The following SLC38A6 variants were observed in gnomAD, a reference collection of about 807,000 sequenced individuals.
SLC38A6 encodes solute carrier family 38 member 6, also known as N system amino acid transporter NAT-1.
SLC38A6 carries 73 observed loss-of-function variants against 65.0 expected under a neutral mutation model. The ratio of observed to expected loss-of-function variants is 1.12; its 90% confidence interval spans 0.93 to 1.37. SLC38A6 has a LOEUF of 1.37. SLC38A6 is among the 40% of genes most tolerant of loss of function. SLC38A6 has a pLI of 0.00. For missense variants in SLC38A6, 561 were observed against 531.1 expected, an observed-to-expected ratio of 1.06 and a Z score of -0.55; for synonymous variants, 183 against 178.8, an observed-to-expected ratio of 1.02 and a Z score of -0.19.
chr14:61,043,572 CAG>C, intron 10 of SLC38A6, 69 bp downstream of exon 10: 4 of 1,175,094 alleles, frequency 3.4e-6, no homozygotes, highest in Non-Finnish European at 5.0e-6. Flanking sequence ...GTTTGTGTAA[CAG>C]GGTCTCTTAG....
intron 4 of SLC38A6, among the ~76,000 whole-genome samples, chr14:61,019,168 C>T (rs535034466): frequency 2.6e-5 from 4 of 152,202 alleles, no homozygotes; most frequent in Admixed American, 1.3e-4. Context: ...CACACCCAGC[C>T]GGTCTTTTTC....
intron 5 of SLC38A6, among the ~76,000 whole-genome samples, chr14:61,025,767 A>G (rs1391009171): frequency 6.6e-6 from 1 of 152,084 alleles, no homozygotes; most frequent in Non-Finnish European, 1.5e-5. Context: ...TCATTTATGC[A>G]TGTGTTCTGT....
chr14:61,011,454 G>A (rs891361237), intron 3 of SLC38A6, among the ~76,000 whole-genome samples: 1 of 151,924 alleles, frequency 6.6e-6, no homozygotes, highest in African/African-American at 2.4e-5. Context: ...TCCCTGTCTT[G>A]TGCCAGTTTT....
intron 5 of SLC38A6, 43 bp from the exon 6 acceptor site, chr14:61,030,402 G>C: frequency 3.5e-6 from 5 of 1,427,130 alleles, no homozygotes; most frequent in Non-Finnish European, 4.9e-6. Flanking sequence ...AAATGGTTAA[G>C]AATCATAGAA....
chr14:61,010,209 G>A (rs531699526), intron 3 of SLC38A6, among the ~76,000 whole-genome samples: 24 of 152,122 alleles, frequency 1.6e-4, no homozygotes, highest in Admixed American at 7.9e-4. Flanking sequence ...CATATCCTTC[G>A]CCCACTTGTT....
At chr14:60,991,377 T>A (rs1330038938) in intron 3 of SLC38A6, among the ~76,000 whole-genome samples, 1 of 152,242 alleles carries the variant, frequency 6.6e-6, no homozygotes, top group Non-Finnish European at 1.5e-5. Context: ...AATATGAATA[T>A]TCATTTAATC....
At chr14:61,029,205 A>G (rs6573354) in intron 5 of SLC38A6, among the ~76,000 whole-genome samples, 138,988 of 148,990 alleles carry the variant, frequency 0.93, 65,170 homozygotes, top group Non-Finnish European at 0.99. Context: ...ACCCAGGCTG[A>G]AGTGCAGTGG....
chr14:61,001,079 A>T (rs1298491924), intron 3 of SLC38A6, among the ~76,000 whole-genome samples: 3 of 152,198 alleles, frequency 2.0e-5, no homozygotes, highest in African/African-American at 7.2e-5. Context: ...CATCCTTCTT[A>T]TTAATGAGTG....
chr14:61,080,636 G>A (rs2043607607), intron 16 of SLC38A6, among the ~76,000 whole-genome samples: 1 of 152,208 alleles, frequency 6.6e-6, no homozygotes, highest in African/African-American at 2.4e-5. Flanking sequence ...TCTGCATGAA[G>A]GCAGCCAAAT....
chr14:61,069,707 G>A (rs2043161173), intron 15 of SLC38A6, among the ~76,000 whole-genome samples: 1 of 151,994 alleles, frequency 6.6e-6, no homozygotes, highest in African/African-American at 2.4e-5. Flanking sequence ...TTAGTACCTT[G>A]TAAGATTTTT....
rs1336714634 is a variant in SLC38A6, at chr14:61,034,021, A to G, written c.483-3038A>G. The G allele has an allele frequency of 2.6e-5, 4 of 152,184 alleles. No homozygotes were observed. The East Asian group carries it at 5.8e-4, about 22-fold the overall frequency. 9.4% of individuals were successfully genotyped at this position (152,184 alleles called of 1,614,324 possible). A position where few individuals can be genotyped will look rare whatever the true frequency, so the allele number is the denominator to read the frequency against. ...CCTTCCTTTTGCTGATTTTACAGACATATAAAATGAAGTTGTTGAGCCAGA... is the reference window on the plus strand; with the variant it reads ...CCTTCCTTTTGCTGATTTTACAGACGTATAAAATGAAGTTGTTGAGCCAGA... On this transcript the variant is annotated intron_variant, in intron 6 of 15. Transcript: ENST00000267488.
rs751598850 is a variant in SLC38A6 at position 61,030,452 on chromosome 14, A to G, written c.411A>G (p.Ser137=). 1 of 1,608,134 alleles carries G rather than the reference A, an allele frequency of 6.2e-7. No individual in the cohort carries two copies. The highest frequency in any genetic ancestry group is 1.7e-4 in the Middle Eastern group (1 of 5,906). ...TIIIQNIGAM[S]SYLLIIKTEL... ...CTATTTATTCTTTTGCAGCTATGTC[A>G]TCTTATCTTTTAATTATTAAAACAG... is the stretch of plus-strand genomic sequence containing the variant. Residue 137 remains serine (S), a synonymous_variant, in exon 6 of 16, where the codon TCA becomes TCG. Coordinates refer to ENST00000267488, the MANE Select transcript of SLC38A6 (RefSeq NM_153811.3).
intron 5 of SLC38A6, among the ~76,000 whole-genome samples, chr14:61,023,618 C>T (rs914067588): frequency 2.7e-5 from 4 of 149,164 alleles, no homozygotes; most frequent in Non-Finnish European, 5.9e-5. Context: ...CACACACACA[C>T]ATATATGTAA....
chr14:61,073,129 T>C (rs1395947973), intron 15 of SLC38A6, among the ~76,000 whole-genome samples: 1 of 152,238 alleles, frequency 6.6e-6, no homozygotes, highest in African/African-American at 2.4e-5. Flanking sequence ...TCTCTGATGA[T>C]CAGTGATGTT....
downstream of SLC38A6, among the ~76,000 whole-genome samples, chr14:61,054,452 A>C (rs988325048): frequency 1.3e-5 from 2 of 152,144 alleles, no homozygotes; most frequent in Admixed American, 1.3e-4. Context: ...TGAATCTGTA[A>C]ATTGCTTTAG....
intron 15 of SLC38A6, among the ~76,000 whole-genome samples, chr14:61,067,058 A>C (rs2043044524): frequency 6.6e-6 from 1 of 152,230 alleles, no homozygotes; most frequent in Admixed American, 6.5e-5. Flanking sequence ...CAACTTGATA[A>C]GTGAAATTGC....
intron 1 of SLC38A6, 43 bp downstream of exon 1, chr14:60,981,425 C>A: frequency 6.4e-7 from 1 of 1,553,592 alleles, no homozygotes. Context: ...CGCCCTCCGG[C>A]TTCCCTCAAG....
chr14:61,041,466 G>T (rs576120248), intron 8 of SLC38A6, among the ~76,000 whole-genome samples: 1 of 152,096 alleles, frequency 6.6e-6, no homozygotes, highest in African/African-American at 2.4e-5. Flanking sequence ...GAAATATTTT[G>T]ATTTGAAAGC....
At chr14:60,999,230 G>T (rs752684641) in intron 3 of SLC38A6, among the ~76,000 whole-genome samples, 7 of 152,166 alleles carry the variant, frequency 4.6e-5, no homozygotes, top group Non-Finnish European at 1.0e-4. Flanking sequence ...CTTCCAAAAA[G>T]AATTTTGGTC....
Sources: allele counts gnomAD v4.1 joint callset (sites outside exome capture counted in the v4.1 genomes callset), GRCh38; gene constraint gnomAD v4.1.1; transcripts MANE v1.5; gene names NCBI Gene and HGNC (gene_info 2026-07-23, HGNC 2026-07-21).